SDK1: variants seen among roughly 807,000 people sequenced by gnomAD.
SDK1 encodes protein sidekick-1.
A neutral mutation model predicts 245.5 loss-of-function variants in SDK1; 157 were observed. That is an observed-to-expected ratio of 0.64 (90% CI 0.56 to 0.73). The LOEUF is 0.73. Ranked by LOEUF, SDK1 falls within the 30% of genes least tolerant of loss-of-function variation. The pLI is 0.00. For synonymous variants in SDK1, 1,647 were observed against 1,278.5 expected (o/e 1.29, Z -6.15); for missense variants, 3,583 against 3,002.3 (o/e 1.19, Z -4.52).
intron 2 of SDK1, among the ~76,000 whole-genome samples, chr7:3,630,768 A>G (rs965970812): frequency 6.6e-6 from 1 of 152,114 alleles, no homozygotes; most frequent in Non-Finnish European, 1.5e-5. Context: ...ACCTAAATCA[A>G]TGGGCAGATA....
At chr7:3,474,793 C>A (rs570658176) in intron 1 of SDK1, among the ~76,000 whole-genome samples, 3 of 152,142 alleles carry the variant, frequency 2.0e-5, no homozygotes, top group African/African-American at 4.8e-5. Flanking sequence ...TGGGTTCAAG[C>A]GATCTTCCTA....
At chr7:3,375,333 T>C (rs1318524953) in intron 1 of SDK1, among the ~76,000 whole-genome samples, 1 of 152,194 alleles carries the variant, frequency 6.6e-6, no homozygotes, top group Admixed American at 6.5e-5. Context: ...AAATAAAGTC[T>C]AGAAGTAAGC....
intron 13 of SDK1, among the ~76,000 whole-genome samples, chr7:3,977,954 G>T (rs1783094675): frequency 6.6e-6 from 1 of 152,156 alleles, no homozygotes. Context: ...ATGCTCACAT[G>T]CCCTGGTTTC....
chr7:3,858,794 G>A (rs1048062190), intron 5 of SDK1, among the ~76,000 whole-genome samples: 2 of 150,116 alleles, frequency 1.3e-5, no homozygotes, highest in African/African-American at 4.9e-5. Context: ...GAGCAATAGT[G>A]TTGTTTTTGG....
intron 28 of SDK1, among the ~76,000 whole-genome samples, chr7:4,139,318 G>C (rs1779308693): frequency 1.3e-5 from 2 of 151,990 alleles, no homozygotes; most frequent in Non-Finnish European, 2.9e-5. Context: ...TTTTTGGGTG[G>C]CTTTTATACA....
intron 1 of SDK1, among the ~76,000 whole-genome samples, chr7:3,573,814 C>T (rs773166552): frequency 2.0e-5 from 3 of 151,866 alleles, no homozygotes; most frequent in Non-Finnish European, 2.9e-5. Flanking sequence ...ACCCTTGAAG[C>T]CCCCTGCTGT....
At chr7:4,017,933 T>C (rs1430281705) in intron 17 of SDK1, among the ~76,000 whole-genome samples, 1 of 152,256 alleles carries the variant, frequency 6.6e-6, no homozygotes, top group East Asian at 1.9e-4. Context: ...CGTGGTGAGA[T>C]CCGGGTGCGG....
intron 1 of SDK1, among the ~76,000 whole-genome samples, chr7:3,499,187 C>T (rs1782116962): frequency 6.6e-6 from 1 of 152,136 alleles, no homozygotes; most frequent in African/African-American, 2.4e-5. Context: ...CGCATTTCAG[C>T]AATAATGGTG....
At chr7:3,789,361 T>C (rs948887113) in intron 4 of SDK1, among the ~76,000 whole-genome samples, 4 of 152,190 alleles carry the variant, frequency 2.6e-5, no homozygotes, top group Non-Finnish European at 5.9e-5. Context: ...TTGGTCAGGC[T>C]GGTCTCCAAC....
At position 3,521,707 on chromosome 7, in the gene SDK1, T is replaced by C. The variant is rs144804092; in HGVS notation, c.299-97373T>C. Among the ~76,000 whole-genome samples, 1,088 of 152,264 alleles carry C rather than the reference T, an allele frequency of 7.1e-3. 10 individuals are homozygous for C. The highest frequency in any genetic ancestry group is 0.013 in the Non-Finnish European group (858 of 68,024). On this transcript the variant is annotated intron_variant, in intron 1 of 44. Coordinates refer to ENST00000404826, the MANE Select transcript of SDK1 (RefSeq NM_152744.4). ...TTACAGAAGTGGGGGAAGAACTTGA[T>C]CAACTTGAACAAATAGGATGTAGGA...
At chr7:3,599,090 C>CTTTTTTT (rs58431507) in intron 1 of SDK1, among the ~76,000 whole-genome samples, 1 of 80,492 alleles carries the variant, frequency 1.2e-5, no homozygotes. Flanking sequence ...ACTAATCCAC[C>CTTTTTTT]TTTTTTTTTT....
chr7:3,697,695 C>G (rs997977946), intron 4 of SDK1, among the ~76,000 whole-genome samples: 3 of 152,126 alleles, frequency 2.0e-5, no homozygotes, highest in Non-Finnish European at 2.9e-5. Flanking sequence ...ATAACTTACT[C>G]ATTTCCTCTC....
chr7:3,895,491 T>C (rs570308699), intron 5 of SDK1, among the ~76,000 whole-genome samples: 12 of 152,350 alleles, frequency 7.9e-5, no homozygotes, highest in African/African-American at 2.9e-4. Context: ...ATTTGACCAC[T>C]ATCCCTTCTT....
chr7:4,209,945 C>G, intron 37 of SDK1, 80 bp from the exon 38 acceptor site: 1 of 1,200,500 alleles, frequency 8.3e-7, no homozygotes, highest in Non-Finnish European at 1.1e-6. Context: ...ATTTTTTATT[C>G]TATACGGAGG....
At chr7:3,432,154 T>A (rs889087631) in intron 1 of SDK1, among the ~76,000 whole-genome samples, 4 of 147,916 alleles carry the variant, frequency 2.7e-5, no homozygotes, top group South Asian at 4.3e-4. Flanking sequence ...ATTTAAAAAA[T>A]ATATATTTTT....
At chr7:4,165,281 C>A (rs967044866) in intron 32 of SDK1, among the ~76,000 whole-genome samples, 1 of 152,074 alleles carries the variant, frequency 6.6e-6, no homozygotes, top group Non-Finnish European at 1.5e-5. Flanking sequence ...ACTGCTTAAA[C>A]CCGGGAGGTG....
In SDK1 at chr7:3,729,896, A is replaced by G. The variant is rs142010195; in HGVS notation, c.713+87791A>G. ...AACTGAGAAAATGTGTGATGATGCT[A>G]ACATACATGCTATCTCGCATGCAGT... On this transcript the variant is annotated intron_variant, in intron 4 of 44. Transcript: ENST00000404826. 1.4e-4 allele frequency among the ~76,000 whole-genome samples: 21 copies of G among 152,194 alleles called. No individual in the cohort carries two copies. In the East Asian group the frequency reaches 4.1e-3, roughly 29 times the overall value.
chr7:3,484,972 G>C (rs76668781), intron 1 of SDK1, among the ~76,000 whole-genome samples: 2 of 152,256 alleles, frequency 1.3e-5, no homozygotes, highest in East Asian at 3.9e-4. Flanking sequence ...TGGGACTGCA[G>C]GTCATCTGTT....
At chr7:4,110,559 C>A in intron 22 of SDK1, 104 bp from the exon 23 acceptor site, 2 of 786,004 alleles carry the variant, frequency 2.5e-6, no homozygotes, top group Non-Finnish European at 2.2e-6. Context: ...GGACGCCTTG[C>A]AGCCCTGCCC....
Sources: allele counts gnomAD v4.1 joint callset (sites outside exome capture counted in the v4.1 genomes callset), GRCh38; gene constraint gnomAD v4.1.1; transcripts MANE v1.5; gene names NCBI Gene and HGNC (gene_info 2026-07-23, HGNC 2026-07-21).